Variants in PLCZ1 observed in about 807,000 individuals in gnomAD.
The protein encoded by PLCZ1 is 1-phosphatidylinositol 4,5-bisphosphate phosphodiesterase zeta-1.
Under a neutral mutation model 76.8 loss-of-function variants are expected in PLCZ1, and 64 were observed. The ratio of observed to expected loss-of-function variants is 0.83; its 90% CI spans 0.68 to 1.03. The LOEUF is 1.03. Ranked by LOEUF, PLCZ1 falls within the 50% of genes least tolerant of loss-of-function variation. PLCZ1 has a pLI of 0.00. For synonymous variants in PLCZ1, 248 were observed against 230.8 expected, an observed-to-expected ratio of 1.07 and a Z score of -0.68; for missense variants, 751 against 713.7, an observed-to-expected ratio of 1.05 and a Z score of -0.60.
chr12:18,683,235 GCTGTTAT>G lies in PLCZ1; in HGVS notation c.1824_*3del, dbSNP rs1340396437. Reference sequence around the variant, plus strand: ...GCTAATGATATGTCATTTATCATTAGCTGTTATCTGACGTACCAAACATAAACAAACA... The same window carrying G: ...GCTAATGATATGTCATTTATCATTAGCTGACGTACCAAACATAAACAAACA... On this transcript the variant is annotated stop_retained_variant and 3_prime_UTR_variant, in exon 15 of 15. Transcript: ENST00000266505. The G allele has an allele frequency of 6.2e-7, 1 of 1,610,794 alleles. No individual in the cohort carries two copies. The highest frequency in any genetic ancestry group is 1.7e-4 in the Middle Eastern group (1 of 6,038).
At chr12:18,716,238 T>C (rs946574911) in intron 5 of PLCZ1, among the ~76,000 whole-genome samples, 1 of 151,940 alleles carries the variant, frequency 6.6e-6, no homozygotes, top group Non-Finnish European at 1.5e-5. Context: ...TTGAGCTTTT[T>C]ACTTGGGGTG....
In PLCZ1 at chr12:18,719,634, T is replaced by A. The variant is rs765983943; in HGVS notation, c.368-2A>T. 1 of 1,570,500 alleles carries A rather than the reference T, an allele frequency of 6.4e-7. No individual in the cohort carries two copies. Among genetic ancestry groups the A allele is most frequent in the Non-Finnish European group, 8.7e-7 (1 of 1,153,020 alleles). ...ATGACATTTGGTGTGCTTTCCTAACTAAAAAAATAAAATAAAATAAGTTAA... is the reference window on the plus strand; with the variant it reads ...ATGACATTTGGTGTGCTTTCCTAACAAAAAAAATAAAATAAAATAAGTTAA... On this transcript the variant is annotated splice_acceptor_variant, in intron 4 of 14. Transcript: ENST00000266505. LOFTEE classifies it high-confidence loss of function.
rs371997935 is a variant in PLCZ1 at position 18,683,319 on chromosome 12, G to A, written c.1747C>T (p.Arg583Cys). Residue 583 changes from arginine to cysteine, a missense_variant, in exon 15 of 15, where the codon CGT becomes TGT. Physicochemically the swap from Arg to Cys is radical, Grantham distance 180. Coordinates refer to ENST00000266505, the MANE Select transcript of PLCZ1 (RefSeq NM_033123.4). ...LPLLCMNKGY[R>C]RIPLFSRMGE... Reference sequence around the variant, plus strand: ...ATTCTGGAAAACAGAGGAATACGACGATAACCTGCAAAAGGAATTATATCT... The same window carrying A: ...ATTCTGGAAAACAGAGGAATACGACAATAACCTGCAAAAGGAATTATATCT... The A allele has an allele frequency of 9.3e-6, 15 of 1,612,052 alleles. No individual in the cohort carries two copies. Among genetic ancestry groups the A allele is most frequent in the African/African-American group, 6.7e-5 (5 of 74,756 alleles).
intron 12 of PLCZ1, 61 bp downstream of exon 12, chr12:18,694,849 A>G: frequency 7.8e-7 from 1 of 1,282,238 alleles, no homozygotes; most frequent in South Asian, 1.4e-5. Context: ...CAAAATACTA[A>G]TGTACACTAT....
intron 3 of PLCZ1, among the ~76,000 whole-genome samples, chr12:18,723,792 G>C (rs916340133): frequency 6.6e-6 from 1 of 152,042 alleles, no homozygotes; most frequent in Admixed American, 6.6e-5. Flanking sequence ...GAGGATTCCA[G>C]GTTGTCTTTC....
At chr12:18,666,530 A>G in the PLCZ1 span, among the ~76,000 whole-genome samples, 1 of 152,154 alleles carries the variant, frequency 6.6e-6, no homozygotes, top group East Asian at 1.9e-4. Context: ...AGATAAAACA[A>G]TTATAAATAT....
chr12:18,725,266 T>C (rs1388063677), intron 3 of PLCZ1, among the ~76,000 whole-genome samples: 4 of 152,002 alleles, frequency 2.6e-5, no homozygotes, highest in Non-Finnish European at 4.4e-5. Context: ...CAGGACGTGG[T>C]AGCATCATGA....
intron 13 of PLCZ1, among the ~76,000 whole-genome samples, chr12:18,687,351 C>T (rs1379593887): frequency 6.6e-6 from 1 of 152,094 alleles, no homozygotes; most frequent in African/African-American, 2.4e-5. Context: ...GGAATGAAGT[C>T]CACTTTGCTT....
At chr12:18,696,970 T>C (rs1955153028) in intron 10 of PLCZ1, among the ~76,000 whole-genome samples, 1 of 152,144 alleles carries the variant, frequency 6.6e-6, no homozygotes. Flanking sequence ...TCTATTTTAG[T>C]TTCTGTACAT....
chr12:18,734,364 GTTGTT>G (rs1959177316), intron 3 of PLCZ1, among the ~76,000 whole-genome samples: 1 of 151,984 alleles, frequency 6.6e-6, no homozygotes, highest in African/African-American at 2.4e-5. Flanking sequence ...TGTTGTTGTT[GTTGTT>G]TTGAGGACTC....
the PLCZ1 span, among the ~76,000 whole-genome samples, chr12:18,668,594 TG>T: frequency 1.3e-5 from 2 of 152,134 alleles, no homozygotes; most frequent in Non-Finnish European, 2.9e-5. Context: ...TCTGGCACAC[TG>T]AAGATAGGAC....
At chr12:18,656,478 T>C in the PLCZ1 span, among the ~76,000 whole-genome samples, 2 of 152,002 alleles carry the variant, frequency 1.3e-5, no homozygotes, top group Non-Finnish European at 2.9e-5. Flanking sequence ...AGGCAGAGAA[T>C]TGCTTGAACC....
At chr12:18,653,887 T>C in the PLCZ1 span, among the ~76,000 whole-genome samples, 1 of 152,200 alleles carries the variant, frequency 6.6e-6, no homozygotes, top group African/African-American at 2.4e-5. Context: ...ACTGAGATTA[T>C]TGCATGCCCC....
chr12:18,724,437 G>C (rs1164482965), intron 3 of PLCZ1, among the ~76,000 whole-genome samples: 1 of 152,032 alleles, frequency 6.6e-6, no homozygotes, highest in Non-Finnish European at 1.5e-5. Context: ...TTTCAGCTAA[G>C]AGGGAGATTT....
chr12:18,737,168 C>T (rs932249767), intron 2 of PLCZ1, among the ~76,000 whole-genome samples, 193 bp downstream of exon 2: 30 of 152,118 alleles, frequency 2.0e-4, no homozygotes, highest in African/African-American at 7.0e-4. Context: ...TCCAGCAAAG[C>T]TCATGTTCTT....
intron 10 of PLCZ1, 112 bp downstream of exon 10, chr12:18,699,682 T>C (rs1043108182): frequency 1.7e-6 from 2 of 1,183,120 alleles, no homozygotes; most frequent in Non-Finnish European, 2.5e-6. Flanking sequence ...GTTAAATGTG[T>C]TGAAATTTTA....
the PLCZ1 span, among the ~76,000 whole-genome samples, chr12:18,660,526 G>A: frequency 6.6e-6 from 1 of 152,010 alleles, no homozygotes; most frequent in Admixed American, 6.6e-5. Flanking sequence ...TAAATTAAAA[G>A]CAACCACATA....
At position 18,723,441 on chromosome 12, in the gene PLCZ1, T is replaced by C. The variant is rs775554877; in HGVS notation, c.237A>G (p.Thr79=). The C allele has an allele frequency of 1.2e-5, 19 of 1,613,080 alleles. No individual in the cohort carries two copies. Among genetic ancestry groups the C allele is most frequent in the Non-Finnish European group, 1.3e-5 (15 of 1,179,444 alleles). ...HREEIIEIFN[T]YSENRKILLA... ...AAAGAATTTTCCGGTTTTCAGAATATGTGTTGAAAATCTCAATAATTTCTT... is the reference window on the plus strand; with the variant it reads ...AAAGAATTTTCCGGTTTTCAGAATACGTGTTGAAAATCTCAATAATTTCTT... Residue 79 remains threonine (T), a synonymous_variant, in exon 4 of 15, where the codon ACA becomes ACG. Coordinates refer to ENST00000266505, the MANE Select transcript of PLCZ1 (RefSeq NM_033123.4).
At chr12:18,669,422 C>G in the PLCZ1 span, among the ~76,000 whole-genome samples, 2 of 152,162 alleles carry the variant, frequency 1.3e-5, no homozygotes, top group East Asian at 3.9e-4. Context: ...TTTAAATAAT[C>G]TAATTCATAT....
Sources: gnomAD v4.1 joint callset for allele counts (sites outside exome capture counted in the v4.1 genomes callset) on GRCh38, gnomAD v4.1.1 for gene constraint, MANE v1.5 for transcripts, NCBI Gene and HGNC (gene_info 2026-07-23, HGNC 2026-07-21) for gene names.